VTI1A: variants seen among roughly 807,000 people sequenced by gnomAD.
VTI1A encodes vesicle transport through interaction with t-SNAREs 1A.
VTI1A carries 22 observed loss-of-function variants against 34.9 expected under a neutral mutation model. That is an observed-to-expected ratio of 0.63 (90% CI 0.45 to 0.90). The LOEUF (loss-of-function observed/expected upper bound fraction) is 0.90. Ranked by LOEUF, VTI1A falls within the 40% of genes least tolerant of loss-of-function variation. The pLI is 0.00. For missense variants in VTI1A, 268 were observed against 275.6 expected (o/e 0.97, Z 0.20); for synonymous variants, 87 against 97.3 (o/e 0.89, Z 0.62).
At chr10:112,531,868 T>C (rs1850457920) in intron 4 of VTI1A, among the ~76,000 whole-genome samples, 1 of 152,176 alleles carries the variant, frequency 6.6e-6, no homozygotes, top group African/African-American at 2.4e-5. Flanking sequence ...CGATATATGA[T>C]AGGCCAGGTA....
intron 7 of VTI1A, among the ~76,000 whole-genome samples, chr10:112,763,361 C>A (rs1851539934): frequency 6.6e-6 from 1 of 151,660 alleles, no homozygotes; most frequent in Non-Finnish European, 1.5e-5. Context: ...AATGGGTGAA[C>A]CCGGGAGGCA....
chr10:112,613,015 G>GT (rs145026756), intron 5 of VTI1A, among the ~76,000 whole-genome samples: 4 of 152,120 alleles, frequency 2.6e-5, no homozygotes, highest in East Asian at 1.9e-4. Context: ...GATAATGGCT[G>GT]TTTTTTTAAA....
At chr10:112,667,357 T>G (rs2133833241) in intron 5 of VTI1A, among the ~76,000 whole-genome samples, 1 of 152,200 alleles carries the variant, frequency 6.6e-6, no homozygotes, top group African/African-American at 2.4e-5. Context: ...TAATGGGGAA[T>G]GAGTCTGAAA....
chr10:112,748,831 G>A (rs1401973796), intron 7 of VTI1A, among the ~76,000 whole-genome samples: 10 of 151,406 alleles, frequency 6.6e-5, no homozygotes, highest in South Asian at 2.1e-4. Context: ...GGGTTTCACC[G>A]TGTTAGCCAG....
At chr10:112,654,434 A>G (rs1196525443) in intron 5 of VTI1A, among the ~76,000 whole-genome samples, 2 of 152,166 alleles carry the variant, frequency 1.3e-5, no homozygotes, top group East Asian at 3.8e-4. Flanking sequence ...TTAAGATCGT[A>G]TCACCTTAAA....
intron 7 of VTI1A, among the ~76,000 whole-genome samples, chr10:112,764,353 C>G (rs1851579223): frequency 6.6e-6 from 1 of 152,130 alleles, no homozygotes; most frequent in African/African-American, 2.4e-5. Context: ...GTGTGGTTAA[C>G]CCAAAACAGT....
chr10:112,727,819 A>G (rs1273004425), intron 7 of VTI1A, among the ~76,000 whole-genome samples: 1 of 151,970 alleles, frequency 6.6e-6, no homozygotes, highest in Admixed American at 6.6e-5. Flanking sequence ...CCCTTCTCTT[A>G]CCCCTTTATG....
intron 7 of VTI1A, among the ~76,000 whole-genome samples, chr10:112,694,408 G>A (rs1420486283): frequency 6.6e-6 from 1 of 151,660 alleles, no homozygotes; most frequent in African/African-American, 2.4e-5. Flanking sequence ...ATGGATGGAC[G>A]GACGGACAGA....
intron 1 of VTI1A, among the ~76,000 whole-genome samples, chr10:112,457,938 T>C (rs2134033888): frequency 6.6e-6 from 1 of 152,086 alleles, no homozygotes; most frequent in Non-Finnish European, 1.5e-5. Flanking sequence ...GACCTAAGAA[T>C]GTCTATTAGT....
intron 3 of VTI1A, among the ~76,000 whole-genome samples, chr10:112,509,185 A>G (rs1448253618): frequency 6.6e-6 from 1 of 152,224 alleles, no homozygotes; most frequent in Non-Finnish European, 1.5e-5. Flanking sequence ...AATTCCTAGT[A>G]TGTGCTAAGC....
chr10:112,763,684 G>A (rs909694906), intron 7 of VTI1A, among the ~76,000 whole-genome samples: 3 of 152,148 alleles, frequency 2.0e-5, no homozygotes, highest in Non-Finnish European at 4.4e-5. Context: ...TGGGAGTTTT[G>A]TACAATATAT....
At chr10:112,710,764 C>T (rs981697705) in intron 7 of VTI1A, among the ~76,000 whole-genome samples, 1 of 152,052 alleles carries the variant, frequency 6.6e-6, no homozygotes, top group African/African-American at 2.4e-5. Context: ...GACTCTTCCT[C>T]AGCTTTCTCA....
At position 112,584,716 on chromosome 10, in the gene VTI1A, A is replaced by G. The variant is rs115040449; in HGVS notation, c.427+46386A>G. Among the ~76,000 whole-genome samples, 474 of 152,308 alleles carry G rather than the reference A, an allele frequency of 3.1e-3. 3 individuals carry two copies. Among genetic ancestry groups the G allele is most frequent in the African/African-American group, 0.011 (441 of 41,576 alleles). ...CTCTTGATAAGCATTTCCTCCTTTA[A>G]TCTTTGCACCAACCCGTGGAGTATA... is the stretch of plus-strand genomic sequence containing the variant. On this transcript the variant is annotated intron_variant, in intron 5 of 7. Coordinates refer to ENST00000393077, the MANE Select transcript of VTI1A (RefSeq NM_145206.4).
chr10:112,558,478 C>G (rs1851609624), intron 5 of VTI1A, among the ~76,000 whole-genome samples: 1 of 152,150 alleles, frequency 6.6e-6, no homozygotes, highest in African/African-American at 2.4e-5. Context: ...GTAGCCATTA[C>G]TTTAGGCAAT....
intron 7 of VTI1A, among the ~76,000 whole-genome samples, chr10:112,708,560 T>A (rs118126026): frequency 0.016 from 2,490 of 152,314 alleles, 38 homozygotes; most frequent in Non-Finnish European, 0.024. Context: ...ACAAGATTCT[T>A]TTAGTTATTC....
chr10:112,692,712 C>T (rs919093110), intron 7 of VTI1A, among the ~76,000 whole-genome samples: 12 of 152,082 alleles, frequency 7.9e-5, no homozygotes, highest in Non-Finnish European at 1.0e-4. Flanking sequence ...TTTTTTCACA[C>T]GTTAAAATAG....
At chr10:112,696,711 C>T (rs1370198151) in intron 7 of VTI1A, among the ~76,000 whole-genome samples, 1 of 152,110 alleles carries the variant, frequency 6.6e-6, no homozygotes, top group Non-Finnish European at 1.5e-5. Flanking sequence ...AAATAATCAC[C>T]ATCACTTTGT....
Position 112,816,614 on chromosome 10 carries a change from T to C in VTI1A, c.*1231T>C, listed in dbSNP as rs937524624. On this transcript the variant is annotated 3_prime_UTR_variant, in exon 8 of 8. Coordinates refer to ENST00000393077, the MANE Select transcript of VTI1A (RefSeq NM_145206.4). ...GCTCATTTGTGATCAGGCTTAAAAG[T>C]TGCCCAAGCTGAGGTCGTTTCCCCC... The C allele has an allele frequency of 2.6e-5, 6 of 226,988 alleles. No homozygotes were observed. The highest frequency in any genetic ancestry group is 1.1e-4 in the African/African-American group (5 of 45,062). The allele number at this position is 226,988 out of a possible 1,614,324, so 14.1% of individuals were successfully genotyped here.
the VTI1A span, among the ~76,000 whole-genome samples, chr10:112,846,133 C>T: frequency 6.6e-6 from 1 of 152,180 alleles, no homozygotes; most frequent in African/African-American, 2.4e-5. Context: ...AGTTTACTCC[C>T]AAAATAAGCG....
Sources: gnomAD v4.1 joint callset for allele counts (sites outside exome capture counted in the v4.1 genomes callset) on GRCh38, gnomAD v4.1.1 for gene constraint, MANE v1.5 for transcripts, NCBI Gene and HGNC (gene_info 2026-07-23, HGNC 2026-07-21) for gene names.